The following MBD5 variants were observed in gnomAD, a reference collection of about 807,000 sequenced individuals.
MBD5 encodes methyl-CpG binding domain protein 5, also known as methyl-CpG-binding domain protein 5.
In MBD5, 13 loss-of-function variants were observed where a neutral mutation model predicts 117.3. The ratio of observed to expected loss-of-function variants is 0.11; its 90% confidence interval spans 0.07 to 0.18. The LOEUF (loss-of-function observed/expected upper bound fraction) is 0.18, where lower values mean the gene tolerates loss of function less well. Ranked by LOEUF, MBD5 falls within the 10% of genes least tolerant of loss-of-function variation. The probability of loss-of-function intolerance (pLI) is 1.00; values close to 1 mark genes in which losing one functional copy is unlikely to be tolerated. For synonymous variants in MBD5, 727 were observed against 766.4 expected (o/e 0.95, Z 0.85); for missense variants, 1,879 against 2,093.8 (o/e 0.90, Z 2.00).
intron 1 of MBD5, among the ~76,000 whole-genome samples, chr2:148,057,757 C>G (rs1694909509): frequency 1.3e-5 from 2 of 151,756 alleles, no homozygotes; most frequent in South Asian, 4.1e-4. Flanking sequence ...AGGTTTCTTC[C>G]TTTGAATCTG....
At chr2:148,038,346 A>C (rs955201382) in intron 1 of MBD5, among the ~76,000 whole-genome samples, 1 of 151,826 alleles carries the variant, frequency 6.6e-6, no homozygotes, top group Non-Finnish European at 1.5e-5. Context: ...CATCTACAAA[A>C]TTTCTAAACA....
chr2:148,321,318 A>T (rs1702276234), intron 3 of MBD5, among the ~76,000 whole-genome samples: 2 of 152,336 alleles, frequency 1.3e-5, no homozygotes, highest in Admixed American at 6.5e-5. Context: ...TAAAAAAAAA[A>T]ATTGCCAAAA....
intron 5 of MBD5, among the ~76,000 whole-genome samples, chr2:148,459,393 C>G (rs1157077319): frequency 6.6e-6 from 1 of 152,144 alleles, no homozygotes; most frequent in Admixed American, 6.5e-5. Context: ...GGCTCTGCAT[C>G]TTACAAGTAA....
At chr2:148,330,292 G>A (rs1431860753) in intron 3 of MBD5, among the ~76,000 whole-genome samples, 1 of 151,972 alleles carries the variant, frequency 6.6e-6, no homozygotes, top group African/African-American at 2.4e-5. Flanking sequence ...GCCAATCTCT[G>A]GACCCATCAC....
chr2:148,146,114 C>G (rs767369811), intron 1 of MBD5, among the ~76,000 whole-genome samples: 12 of 152,144 alleles, frequency 7.9e-5, no homozygotes, highest in Non-Finnish European at 4.4e-5. Flanking sequence ...CAACAACAAA[C>G]TCTTTAGTTA....
chr2:148,385,123 C>T (rs1360941063), intron 4 of MBD5, among the ~76,000 whole-genome samples: 5 of 151,888 alleles, frequency 3.3e-5, no homozygotes, highest in Non-Finnish European at 4.4e-5. Flanking sequence ...GGGATCTAAT[C>T]AAACTAAAGA....
chr2:148,187,643 A>C (rs1698698562), intron 2 of MBD5, among the ~76,000 whole-genome samples: 1 of 152,184 alleles, frequency 6.6e-6, no homozygotes, highest in Non-Finnish European at 1.5e-5. Flanking sequence ...TAATGGAATG[A>C]GATCGGTATC....
chr2:148,374,363 C>T (rs1364821906), intron 4 of MBD5, among the ~76,000 whole-genome samples: 1 of 152,090 alleles, frequency 6.6e-6, no homozygotes, highest in African/African-American at 2.4e-5. Flanking sequence ...TAACTGTCCT[C>T]AATTACCATA....
At chr2:148,408,374 T>C (rs527286250) in intron 4 of MBD5, among the ~76,000 whole-genome samples, 11 of 152,344 alleles carry the variant, frequency 7.2e-5, no homozygotes, top group Admixed American at 7.2e-4. Context: ...TCTGCCTTGC[T>C]GAGTATTTTT....
chr2:148,446,450 T>G (rs1706528851), intron 4 of MBD5, among the ~76,000 whole-genome samples: 1 of 152,032 alleles, frequency 6.6e-6, no homozygotes, highest in South Asian at 2.1e-4. Flanking sequence ...AGGGAAGACC[T>G]CAATGGTGAG....
At position 148,489,529 on chromosome 2, in the gene MBD5, T is replaced by C. The variant is rs1377963134; in HGVS notation, c.3897T>C (p.Ser1299=). The C allele has an allele frequency of 7.4e-6, 12 of 1,614,048 alleles. No individual in the cohort carries two copies. The highest frequency in any genetic ancestry group is 6.7e-5 in the Admixed American group (4 of 60,006). The change falls in exon 11 of 14, where the codon TCT becomes TCC. Residue 1299 remains serine, a synonymous_variant. Coordinates refer to ENST00000642680, the MANE Select transcript of MBD5 (RefSeq NM_001378120.1). ...AGTTGCAACCGAGGATTGACCCATCTCTTGGTCAACAGGTGAAGGATGGCC... is the reference window on the plus strand; with the variant it reads ...AGTTGCAACCGAGGATTGACCCATCCCTTGGTCAACAGGTGAAGGATGGCC... ...PCELQPRIDP[S]LGQQVKDGLV...
rs892625457 is a variant in MBD5, at chr2:148,513,676, T to C, written c.*735T>C. 6.6e-6 allele frequency: 1 copy of C among 152,228 alleles called. No homozygotes were observed. The highest frequency in any genetic ancestry group is 2.4e-5 in the African/African-American group (1 of 41,464). 9.4% of individuals were successfully genotyped at this position (152,228 alleles called of 1,614,324 possible). A position where few individuals can be genotyped will look rare whatever the true frequency, so the allele number is the denominator to read the frequency against. On this transcript the variant is annotated 3_prime_UTR_variant, in exon 14 of 14. Transcript: ENST00000642680. ...CTAAAGGGATGAGGGCTCACAGGTCTAAATTAAGAATTCAGAAACTGCAAC... is the reference window on the plus strand; with the variant it reads ...CTAAAGGGATGAGGGCTCACAGGTCCAAATTAAGAATTCAGAAACTGCAAC...
chr2:148,169,441 A>AT (rs1698204548), intron 1 of MBD5, among the ~76,000 whole-genome samples: 1 of 152,166 alleles, frequency 6.6e-6, no homozygotes, highest in African/African-American at 2.4e-5. Context: ...ATTTGATAAA[A>AT]TATTATACTT....
chr2:148,201,472 C>G (rs973658336), intron 2 of MBD5, among the ~76,000 whole-genome samples: 1 of 152,216 alleles, frequency 6.6e-6, no homozygotes, highest in African/African-American at 2.4e-5. Context: ...GGCGCCTTAA[C>G]AACTCTGTCA....
At chr2:148,320,195 C>T (rs1553500192) in intron 3 of MBD5, among the ~76,000 whole-genome samples, 1 of 152,064 alleles carries the variant, frequency 6.6e-6, no homozygotes, top group Non-Finnish European at 1.5e-5. Context: ...GAATATTGGT[C>T]TGTAGTTTTG....
intron 4 of MBD5, among the ~76,000 whole-genome samples, chr2:148,396,777 C>A (rs1704728227): frequency 6.6e-6 from 1 of 152,202 alleles, no homozygotes; most frequent in African/African-American, 2.4e-5. Context: ...AGGTTAGCTA[C>A]ATCCATTTAC....
At chr2:148,280,413 G>C (rs1158091080) in intron 3 of MBD5, among the ~76,000 whole-genome samples, 1 of 151,972 alleles carries the variant, frequency 6.6e-6, no homozygotes, top group Non-Finnish European at 1.5e-5. Context: ...TCAATGTTCA[G>C]TTTTCTTTTT....
intron 4 of MBD5, among the ~76,000 whole-genome samples, chr2:148,405,312 A>G (rs912474176): frequency 6.6e-6 from 1 of 152,224 alleles, no homozygotes; most frequent in Non-Finnish European, 1.5e-5. Flanking sequence ...TCAAGGTGAT[A>G]TTTGAGCTAA....
At chr2:148,283,171 G>A (rs771125192) in intron 3 of MBD5, among the ~76,000 whole-genome samples, 21 of 152,078 alleles carry the variant, frequency 1.4e-4, no homozygotes, top group Non-Finnish European at 2.5e-4. Flanking sequence ...AGAATGCAAT[G>A]TATAAACTGT....
Sources: allele counts gnomAD v4.1 joint callset (sites outside exome capture counted in the v4.1 genomes callset), GRCh38; gene constraint gnomAD v4.1.1; transcripts MANE v1.5; gene names NCBI Gene and HGNC (gene_info 2026-07-23, HGNC 2026-07-21).